Variants in TXNDC5 observed in about 807,000 individuals in gnomAD.
The protein encoded by TXNDC5 is thioredoxin domain-containing protein 5.
In TXNDC5, 44 loss-of-function variants were observed where a neutral mutation model predicts 52.6. The ratio of observed to expected loss-of-function variants is 0.84; its 90% CI spans 0.66 to 1.08. The LOEUF is 1.08. Ranked by LOEUF, TXNDC5 falls within the 50% of genes least tolerant of loss-of-function variation. The pLI, the probability that TXNDC5 is intolerant of heterozygous loss-of-function variation, is 0.00. For synonymous variants in TXNDC5, 241 were observed against 234.4 expected (o/e 1.03, Z -0.26); for missense variants, 600 against 565.5 (o/e 1.06, Z -0.62).
In TXNDC5 at chr6:7,891,654, G is replaced by GC. The variant is rs776955244; in HGVS notation, c.698dup (p.Leu234ProfsTer2). 6.2e-7 allele frequency: 1 copy of GC among 1,613,968 alleles called. No homozygotes were observed. Among genetic ancestry groups the GC allele is most frequent in the Non-Finnish European group, 8.5e-7 (1 of 1,179,918 alleles). ...TCTTGACAGTTTCGGAATGTTCAAG[G>GC]CCCAGAGCCAGCTGCTCCCAGGTTG... On this transcript the variant is annotated frameshift_variant, in exon 5 of 10. Coordinates refer to ENST00000379757, the MANE Select transcript of TXNDC5 (RefSeq NM_030810.5). LOFTEE classifies it high-confidence loss of function.
intron 5 of TXNDC5, 110 bp downstream of exon 5, chr6:7,891,511 A>G: frequency 1.3e-6 from 1 of 767,254 alleles, no homozygotes; most frequent in Non-Finnish European, 2.1e-6. Flanking sequence ...ACTAAATGGA[A>G]TTAATAAATC....
intron 7 of TXNDC5, 26 bp from the exon 8 acceptor site, chr6:7,886,069 TC>T (rs1759968249): frequency 1.2e-6 from 2 of 1,603,004 alleles, no homozygotes; most frequent in Admixed American, 1.7e-5. Context: ...AAGCCACAGT[TC>T]AAGTACATCC....
At chr6:7,883,832 CA>C (rs1491450708) in intron 9 of TXNDC5, among the ~76,000 whole-genome samples, 1 of 152,132 alleles carries the variant, frequency 6.6e-6, no homozygotes, top group African/African-American at 2.4e-5. Context: ...AAAAAAATGA[CA>C]AATCTTCCAG....
chr6:7,906,784 C>T (rs1023530807), intron 1 of TXNDC5, among the ~76,000 whole-genome samples: 6 of 151,918 alleles, frequency 3.9e-5, no homozygotes, highest in Non-Finnish European at 8.8e-5. Context: ...AAGGCAATTC[C>T]CACAGAACCC....
chr6:7,896,014 G>A (rs1039800516), intron 3 of TXNDC5, among the ~76,000 whole-genome samples: 4 of 152,082 alleles, frequency 2.6e-5, no homozygotes, highest in Non-Finnish European at 5.9e-5. Flanking sequence ...AAACAGACAC[G>A]AGGGTAGCAA....
intron 1 of TXNDC5, among the ~76,000 whole-genome samples, chr6:7,905,598 A>G (rs1760704415): frequency 1.3e-5 from 2 of 152,240 alleles, no homozygotes; most frequent in African/African-American, 4.8e-5. Flanking sequence ...ATCTTTCCCA[A>G]CACTAGACCT....
At chr6:7,893,753 G>A (rs1219163850) in intron 4 of TXNDC5, among the ~76,000 whole-genome samples, 2 of 152,246 alleles carry the variant, frequency 1.3e-5, no homozygotes, top group Non-Finnish European at 2.9e-5. Context: ...TGGACAGTAA[G>A]TGTGGTGGGG....
At chr6:7,908,632 G>A (rs1420773090) in intron 1 of TXNDC5, among the ~76,000 whole-genome samples, 2 of 151,976 alleles carry the variant, frequency 1.3e-5, no homozygotes, top group African/African-American at 4.8e-5. Context: ...GACCAGCCCC[G>A]GCAACATAGC....
rs1335428008 is a variant in TXNDC5, at chr6:7,882,810, C to T, written c.*334G>A. On this transcript the variant is annotated 3_prime_UTR_variant, in exon 10 of 10. Transcript: ENST00000379757. ...CCAAAATCACTCAACTCAGGAGCCA[C>T]AAATAGTCCAGCAATTTCATTTCCC... The T allele has an allele frequency of 9.1e-6, 2 of 218,878 alleles. No individual in the cohort carries two copies. Among genetic ancestry groups the T allele is most frequent in the Admixed American group, 5.2e-5 (1 of 19,280 alleles). 13.6% of individuals were successfully genotyped at this position (218,878 alleles called of 1,614,324 possible).
intron 7 of TXNDC5, among the ~76,000 whole-genome samples, chr6:7,886,496 T>G (rs1333471027): frequency 6.6e-6 from 1 of 152,120 alleles, no homozygotes; most frequent in Non-Finnish European, 1.5e-5. Flanking sequence ...GCCACCCTAT[T>G]CTCCTAGCAC....
In TXNDC5 at chr6:7,882,492, A is replaced by T. The variant is rs1759798095; in HGVS notation, c.*652T>A. ...TGATTTGACAAGTATCGACACATAA[A>T]GTTATGGCATCAGCATTCTCTTACT... On this transcript the variant is annotated 3_prime_UTR_variant, in exon 10 of 10. Coordinates refer to ENST00000379757, the MANE Select transcript of TXNDC5 (RefSeq NM_030810.5). 6.6e-6 allele frequency: 1 copy of T among 152,328 alleles called. No homozygotes were observed. Among genetic ancestry groups the T allele is most frequent in the Admixed American group, 6.5e-5 (1 of 15,292 alleles). The allele number at this position is 152,328 out of a possible 1,614,324, so 9.4% of individuals were successfully genotyped here.
chr6:7,889,297 A>T, intron 6 of TXNDC5, 198 bp downstream of exon 6: 1 of 548,432 alleles, frequency 1.8e-6, no homozygotes, highest in East Asian at 2.9e-5. Flanking sequence ...TGGGCCACTG[A>T]AATGTTTCAA....
chr6:7,894,945 A>T, intron 4 of TXNDC5, 161 bp downstream of exon 4: 6 of 984,884 alleles, frequency 6.1e-6, no homozygotes, highest in Non-Finnish European at 7.2e-6. Flanking sequence ...GTTTTAGAGG[A>T]GGTGCACTGA....
chr6:7,884,523 C>T lies in TXNDC5; in HGVS notation c.1047-35G>A, dbSNP rs567632529. 17 of 1,613,204 alleles carry T rather than the reference C, an allele frequency of 1.1e-5. No homozygotes were observed. In the East Asian group the frequency reaches 2.9e-4, roughly 28 times the overall value. On this transcript the variant is annotated intron_variant, in intron 8 of 9. Coordinates refer to ENST00000379757, the MANE Select transcript of TXNDC5 (RefSeq NM_030810.5). ...GAAAAATGGCAGCTTCGTTGAAATC[C>T]TGGGTCGAGATCATTCACCTACACT...
At chr6:7,884,056 C>T (rs371430180) in intron 9 of TXNDC5, among the ~76,000 whole-genome samples, 37 of 152,302 alleles carry the variant, frequency 2.4e-4, no homozygotes, top group Admixed American at 7.8e-4. Context: ...CATCAAGAGT[C>T]GCGGTGTGGG....
chr6:7,904,472 C>T, intron 2 of TXNDC5, 102 bp downstream of exon 2: 1 of 1,477,528 alleles, frequency 6.8e-7, no homozygotes, highest in Non-Finnish European at 9.2e-7. Flanking sequence ...GGACTGCCTG[C>T]TTAAATTTAG....
At chr6:7,891,144 A>G (rs1002550097) in intron 5 of TXNDC5, among the ~76,000 whole-genome samples, 3 of 152,232 alleles carry the variant, frequency 2.0e-5, no homozygotes, top group African/African-American at 7.2e-5. Flanking sequence ...GTTGTCAGAC[A>G]CCACTCTTGG....
intron 1 of TXNDC5, among the ~76,000 whole-genome samples, chr6:7,909,041 T>C (rs930409849): frequency 4.6e-5 from 7 of 152,208 alleles, no homozygotes; most frequent in African/African-American, 1.7e-4. Flanking sequence ...TTCGAGTCAG[T>C]TGGTTCTTAG....
Position 7,888,827 on chromosome 6 carries a change from G to T in TXNDC5, c.841C>A (p.Arg281=), listed in dbSNP as rs774141492. The T allele has an allele frequency of 1.7e-5, 28 of 1,613,384 alleles. 1 individual carries two copies. In the Admixed American group the frequency reaches 4.5e-4, roughly 26 times the overall value. The change falls in exon 7 of 10, where the codon CGG becomes AGG. Residue 281 remains arginine (R), a synonymous_variant. Coordinates refer to ENST00000379757, the MANE Select transcript of TXNDC5 (RefSeq NM_030810.5). ...GKKVDQYKGK[R]DLESLREYVE... ...TACTCCCTCAGTGACTCCAAATCCC[G>T]CTTTCCCTTGTACTGATCCACCTGG...
Sources: allele counts gnomAD v4.1 joint callset (sites outside exome capture counted in the v4.1 genomes callset), GRCh38; gene constraint gnomAD v4.1.1; transcripts MANE v1.5; gene names NCBI Gene and HGNC (gene_info 2026-07-23, HGNC 2026-07-21).